AIPL1: variants seen among roughly 807,000 people sequenced by gnomAD.
AIPL1 encodes the protein AIP like 1 HSP90 co-chaperone, also known as aryl-hydrocarbon-interacting protein-like 1.
In AIPL1, 23 loss-of-function variants were observed where a neutral mutation model predicts 32.9. The observed-to-expected ratio is 0.70, with a 90% confidence interval of 0.50 to 0.99. The LOEUF (loss-of-function observed/expected upper bound fraction) is 0.99, where lower values mean the gene tolerates loss of function less well. Among genes scored for constraint, AIPL1 ranks in the 50% least tolerant of loss-of-function variants. The probability of loss-of-function intolerance (pLI) is 0.00; values close to 1 mark genes in which losing one functional copy is unlikely to be tolerated. For missense variants in AIPL1, 485 were observed against 506.0 expected (o/e 0.96, Z 0.40); for synonymous variants, 210 against 209.4 (o/e 1.00, Z -0.02).
intron 5 of AIPL1, chr17:6,426,185 G>A (rs760623841): frequency 1.5e-5 from 19 of 1,280,862 alleles, no homozygotes; most frequent in African/African-American, 1.2e-4. Context: ...CGCAGACGAC[G>A]TGTGCCTGAT....
At position 6,428,526 on chromosome 17, in the gene AIPL1, G is replaced by C. The variant is rs1431877651; in HGVS notation, c.277-20C>G. 1 of 1,610,822 alleles carries C rather than the reference G, an allele frequency of 6.2e-7. No individual in the cohort carries two copies. Among genetic ancestry groups the C allele is most frequent in the African/African-American group, 1.3e-5 (1 of 74,888 alleles). ...CGTGTGCTGTGGGGATAAACGGATGGATGGCATCCAGGCTACCTGCCCAGA... is the reference window on the plus strand; with the variant it reads ...CGTGTGCTGTGGGGATAAACGGATGCATGGCATCCAGGCTACCTGCCCAGA... On this transcript the variant is annotated intron_variant, in intron 2 of 5. Transcript: ENST00000381129.
Position 6,430,470 on chromosome 17 carries a change from A to AAAAAC in AIPL1, c.277-1965_277-1964insGTTTT, listed in dbSNP as rs1281232381. Among the ~76,000 whole-genome samples, 5 of 151,214 alleles carry AAAAAC rather than the reference A, an allele frequency of 3.3e-5. No homozygotes were observed. The East Asian group carries it at 5.8e-4, about 18-fold the overall frequency. The stretch of plus-strand genomic sequence containing the variant: ...AAAGTCCGTCTCAAAAAAAAAAAAA[A>AAAAAC]AAAAAAAAAACAGTTACCAGCCTGT... On this transcript the variant is annotated intron_variant, in intron 2 of 5. Coordinates refer to ENST00000381129, the MANE Select transcript of AIPL1 (RefSeq NM_014336.5).
intron 3 of AIPL1, among the ~76,000 whole-genome samples, chr17:6,427,506 T>C (rs1312353560): frequency 6.6e-6 from 1 of 152,200 alleles, no homozygotes; most frequent in Non-Finnish European, 1.5e-5. Flanking sequence ...TTCACCCACA[T>C]AGCTCTCAGG....
At chr17:6,434,174 C>A in intron 1 of AIPL1, 76 bp from the exon 2 acceptor site, 1 of 1,527,350 alleles carries the variant, frequency 6.5e-7, no homozygotes. Flanking sequence ...TTGCCACCGA[C>A]ACCCAGGGCT....
At chr17:6,429,851 G>C (rs1912386695) in intron 2 of AIPL1, among the ~76,000 whole-genome samples, 1 of 151,306 alleles carries the variant, frequency 6.6e-6, no homozygotes, top group African/African-American at 2.4e-5. Flanking sequence ...TAGATAGATA[G>C]ATAGATAGAT....
intron 2 of AIPL1, among the ~76,000 whole-genome samples, chr17:6,431,456 A>AG (rs923310423): frequency 2.0e-5 from 3 of 150,494 alleles, no homozygotes; most frequent in African/African-American, 7.5e-5. Flanking sequence ...ACTCCATCTC[A>AG]GAAAAAAAAA....
intron 2 of AIPL1, among the ~76,000 whole-genome samples, chr17:6,432,776 A>G (rs1321255364): frequency 6.6e-6 from 1 of 152,036 alleles, no homozygotes; most frequent in South Asian, 2.1e-4. Flanking sequence ...GATTACAGGC[A>G]TGTGCCACCA....
At position 6,426,185 on chromosome 17, in the gene AIPL1, G is replaced by T. The variant is rs760623841; in HGVS notation, c.785-355C>A. ...AAATGAGATAATAAACGCAGACGACGTGTGCCTGATGCATGAGCCAGGGGC... is the reference window on the plus strand; with the variant it reads ...AAATGAGATAATAAACGCAGACGACTTGTGCCTGATGCATGAGCCAGGGGC... On this transcript the variant is annotated intron_variant, in intron 5 of 5. Coordinates refer to ENST00000381129, the MANE Select transcript of AIPL1 (RefSeq NM_014336.5). 1.7e-5 allele frequency: 22 copies of T among 1,280,862 alleles called. No individual in the cohort carries two copies. In the East Asian group the frequency reaches 6.5e-4, roughly 38 times the overall value. The allele number at this position is 1,280,862 out of a possible 1,614,324, so 79.3% of individuals were successfully genotyped here.
chr17:6,434,374 T>TTC (rs56246717), intron 1 of AIPL1, among the ~76,000 whole-genome samples: 2 of 149,508 alleles, frequency 1.3e-5, no homozygotes, highest in East Asian at 2.0e-4. Flanking sequence ...TTTTTTTTTT[T>TTC]CTGAGACAGA....
chr17:6,430,333 A>G (rs555293328), intron 2 of AIPL1, among the ~76,000 whole-genome samples: 83 of 151,738 alleles, frequency 5.5e-4, no homozygotes, highest in Admixed American at 1.8e-3. Flanking sequence ...GTGAGCACCT[A>G]TAATTCCAGC....
intron 3 of AIPL1, among the ~76,000 whole-genome samples, chr17:6,427,867 A>G (rs1912151048): frequency 6.6e-6 from 1 of 151,576 alleles, no homozygotes; most frequent in African/African-American, 2.4e-5. Flanking sequence ...CCAGGTTAAA[A>G]TGCACTGACA....
At chr17:6,434,428 G>A (rs146326264) in intron 1 of AIPL1, among the ~76,000 whole-genome samples, 3,549 of 142,136 alleles carry the variant, frequency 0.025, 154 homozygotes, top group African/African-American at 0.088. Flanking sequence ...GTATGATCTC[G>A]GCTCACTGCA....
At chr17:6,428,561 G>A (rs1022785297) in intron 2 of AIPL1, 55 bp from the exon 3 acceptor site, 201 of 1,536,174 alleles carry the variant, frequency 1.3e-4, no homozygotes, top group Admixed American at 1.2e-4. Flanking sequence ...AGCTAGGTGG[G>A]CCATAAAAGG....
In AIPL1 at chr17:6,425,477, G is replaced by A. The variant is rs1386790883; in HGVS notation, c.1138C>T (p.His380Tyr). 3 of 1,601,412 alleles carry A rather than the reference G, an allele frequency of 1.9e-6. No individual in the cohort carries two copies. The change falls in exon 6 of 6, where the codon CAC (histidine) becomes TAC (tyrosine). Residue 380 changes from histidine to tyrosine, a missense_variant. His to Tyr is a moderately conservative substitution (Grantham distance 83). Transcript: ENST00000381129. ...CAGGGGGCTCAGTGCTGCAGCGAGT[G>A]CCCTGGGGACGGGGGTGGCTCTGTG... The part of the protein sequence containing the change: ...PATEPPPSPG[H>Y]SLQH
At position 6,425,458 on chromosome 17, in the gene AIPL1, G is replaced by A. The variant is rs766588482; in HGVS notation, c.*2C>T. 2 of 1,587,432 alleles carry A rather than the reference G, an allele frequency of 1.3e-6. No individual in the cohort carries two copies. The highest frequency in any genetic ancestry group is 1.7e-6 in the Non-Finnish European group (2 of 1,168,938). On this transcript the variant is annotated 3_prime_UTR_variant, in exon 6 of 6. Coordinates refer to ENST00000381129, the MANE Select transcript of AIPL1 (RefSeq NM_014336.5). ...CCTGGGTGGCTGTGGGCCTCAGGGG[G>A]CTCAGTGCTGCAGCGAGTGCCCTGG...
Position 6,425,324 on chromosome 17 carries a change from TACCATGGGTGTG to T in AIPL1, c.*124_*135del. On this transcript the variant is annotated 3_prime_UTR_variant, in exon 6 of 6. Coordinates refer to ENST00000381129, the MANE Select transcript of AIPL1 (RefSeq NM_014336.5). The stretch of plus-strand genomic sequence containing the variant: ...TTGGGATTGTTTTTTTTTTTTTTTT[TACCATGGGTGTG>T]TCTGACTTTGATTTCAAAAATTAAT... 1 of 981,004 alleles carries T rather than the reference TACCATGGGTGTG, an allele frequency of 1.0e-6. No homozygotes were observed. Among genetic ancestry groups the T allele is most frequent in the Non-Finnish European group, 1.4e-6 (1 of 708,880 alleles). The allele number at this position is 981,004 out of a possible 1,614,324, so 60.8% of individuals were successfully genotyped here.
chr17:6,427,879 G>A (rs1400464235), intron 3 of AIPL1, among the ~76,000 whole-genome samples: 2 of 150,756 alleles, frequency 1.3e-5, no homozygotes, highest in African/African-American at 2.4e-5. Flanking sequence ...GCACTGACAT[G>A]ATCTCTGCTC....
At chr17:6,428,136 G>C (rs866978623) in intron 3 of AIPL1, among the ~76,000 whole-genome samples, 182 bp downstream of exon 3, 12 of 152,148 alleles carry the variant, frequency 7.9e-5, no homozygotes, top group African/African-American at 2.2e-4. Context: ...GACTTTTCTT[G>C]TGGAAAAATC....
chr17:6,431,561 C>G (rs1912609942), intron 2 of AIPL1, among the ~76,000 whole-genome samples: 1 of 152,186 alleles, frequency 6.6e-6, no homozygotes, highest in Admixed American at 6.5e-5. Flanking sequence ...AAAACAACCC[C>G]TTAACTTAGA....
Sources: allele counts gnomAD v4.1 joint callset (sites outside exome capture counted in the v4.1 genomes callset), GRCh38; gene constraint gnomAD v4.1.1; transcripts MANE v1.5; gene names NCBI Gene and HGNC (gene_info 2026-07-23, HGNC 2026-07-21).